Variants in CABIN1 observed in about 807,000 individuals in gnomAD.
CABIN1 encodes the protein calcineurin binding protein 1.
In CABIN1, 133 loss-of-function variants were observed where a neutral mutation model predicts 227.7. That is an observed-to-expected ratio of 0.58 (90% CI 0.51 to 0.67). CABIN1 has a LOEUF of 0.67. Among genes scored for constraint, CABIN1 ranks in the 30% least tolerant of loss-of-function variants. The pLI is 0.00. For synonymous variants in CABIN1, 1,086 were observed against 1,155.1 expected (o/e 0.94, Z 1.21); for missense variants, 2,408 against 2,852.5 (o/e 0.84, Z 3.55).
intron 1 of CABIN1, among the ~76,000 whole-genome samples, chr22:24,012,150 A>C (rs1238888948): frequency 6.6e-6 from 1 of 152,220 alleles, no homozygotes; most frequent in African/African-American, 2.4e-5. Context: ...AGTATTCATA[A>C]TAGTAGTTTA....
rs184753963 is a variant in CABIN1, at chr22:24,175,682, G to A, written c.6041-429G>A. ...GCTGGGCAGGAGCCATAGTGCCAGC[G>A]TCTACTTTGGTCTTAGTTGGGTTGT... On this transcript the variant is annotated intron_variant, in intron 34 of 36. Coordinates refer to ENST00000263119, the MANE Select transcript of CABIN1 (RefSeq NM_012295.4). 2.0e-3 allele frequency: 563 copies of A among 285,054 alleles called. 8 individuals are homozygous for A. Among genetic ancestry groups the A allele is most frequent in the South Asian group, 0.014 (412 of 28,852 alleles). 17.7% of individuals were successfully genotyped at this position (285,054 alleles called of 1,614,324 possible).
chr22:24,016,365 A>G (rs558176407), intron 1 of CABIN1, among the ~76,000 whole-genome samples: 13 of 152,118 alleles, frequency 8.5e-5, no homozygotes, highest in Admixed American at 1.3e-4. Flanking sequence ...TGGATATACC[A>G]CCTTTTGTTT....
At chr22:24,093,691 A>G (rs2041700699) in intron 24 of CABIN1, among the ~76,000 whole-genome samples, 1 of 152,038 alleles carries the variant, frequency 6.6e-6, no homozygotes, top group Admixed American at 6.6e-5. Context: ...CTAGCGGGCA[A>G]CATGATGAGA....
chr22:24,177,362 G>A lies in CABIN1; in HGVS notation c.6206-142G>A. 3 of 738,174 alleles carry A rather than the reference G, an allele frequency of 4.1e-6. No individual in the cohort carries two copies. The highest frequency in any genetic ancestry group is 4.3e-6 in the Non-Finnish European group (2 of 461,334). The allele number at this position is 738,174 out of a possible 1,614,324, so 45.7% of individuals were successfully genotyped here. A position where few individuals can be genotyped will look rare whatever the true frequency, so the allele number is the denominator to read the frequency against. The stretch of plus-strand genomic sequence containing the variant: ...GGCCTGAGCCAAGTATTTGCCCAGG[G>A]TAGAAGCCTTGGAGCCTGCCAGCCA... On this transcript the variant is annotated intron_variant, in intron 35 of 36. Coordinates refer to ENST00000263119, the MANE Select transcript of CABIN1 (RefSeq NM_012295.4). The surrounding 1 kb of genome is among the most constrained non-coding windows in gnomAD (Gnocchi z 4.4).
chr22:24,056,113 G>T, intron 9 of CABIN1, 79 bp from the exon 10 acceptor site: 2 of 1,191,506 alleles, frequency 1.7e-6, no homozygotes, highest in East Asian at 2.3e-5. Context: ...TTATAAAAGA[G>T]GGAGATTGAT....
intron 33 of CABIN1, chr22:24,170,190 G>A: frequency 8.8e-6 from 4 of 456,368 alleles, no homozygotes; most frequent in South Asian, 6.2e-5. Flanking sequence ...TCCTACCTAG[G>A]ATTCTTACCC....
intron 29 of CABIN1, among the ~76,000 whole-genome samples, chr22:24,154,573 C>T (rs2045672643): frequency 6.6e-6 from 1 of 152,212 alleles, no homozygotes; most frequent in Non-Finnish European, 1.5e-5. Context: ...AGCTTGTGCT[C>T]ATTGTGACTC....
In CABIN1 at chr22:24,178,303, C is replaced by G; in HGVS notation, c.*107C>G. 7.1e-7 allele frequency: 1 copy of G among 1,411,680 alleles called. No homozygotes were observed. The allele number at this position is 1,411,680 out of a possible 1,614,324, so 87.4% of individuals were successfully genotyped here. Reference sequence around the variant, plus strand: ...CAGAGGCCCACATGGATGCCACTCCCCACACAGCCCCCAGGCCTGCCCAGC... The same window carrying G: ...CAGAGGCCCACATGGATGCCACTCCGCACACAGCCCCCAGGCCTGCCCAGC... On this transcript the variant is annotated 3_prime_UTR_variant, in exon 37 of 37. Coordinates refer to ENST00000263119, the MANE Select transcript of CABIN1 (RefSeq NM_012295.4).
intron 26 of CABIN1, among the ~76,000 whole-genome samples, chr22:24,105,349 A>G (rs1370671261): frequency 1.3e-5 from 2 of 152,258 alleles, no homozygotes; most frequent in African/African-American, 4.8e-5. Context: ...CGTGGCCCAG[A>G]TGCATAGACA....
At chr22:24,103,525 C>T (rs1365665268) in intron 26 of CABIN1, among the ~76,000 whole-genome samples, 2 of 152,144 alleles carry the variant, frequency 1.3e-5, no homozygotes, top group African/African-American at 2.4e-5. Flanking sequence ...CCACCCTGGC[C>T]TCTGCTCAGT....
chr22:24,035,323 AGCTCTTCACTG>A (rs2036786529), intron 1 of CABIN1, 110 bp from the exon 2 acceptor site: 1 of 675,634 alleles, frequency 1.5e-6, no homozygotes, highest in East Asian at 2.7e-5. Flanking sequence ...GTCCCAAGGC[AGCTCTTCACTG>A]GCCTGTCTGC....
At chr22:24,052,782 C>G (rs922538220) in intron 8 of CABIN1, among the ~76,000 whole-genome samples, 3 of 149,812 alleles carry the variant, frequency 2.0e-5, no homozygotes, top group Non-Finnish European at 4.4e-5. Context: ...AGAGCAAGAC[C>G]CCCATCTCAA....
At chr22:24,164,644 T>C in intron 30 of CABIN1, 81 bp downstream of exon 30, 5 of 1,487,820 alleles carry the variant, frequency 3.4e-6, no homozygotes, top group Non-Finnish European at 4.6e-6. Flanking sequence ...TCTCCACTGC[T>C]CTGGCCCAGC....
At chr22:24,124,189 A>T (rs1400761567) in intron 28 of CABIN1, among the ~76,000 whole-genome samples, 2 of 152,218 alleles carry the variant, frequency 1.3e-5, no homozygotes, top group African/African-American at 4.8e-5. Context: ...AATGATAGTG[A>T]TATGAAAGCA....
intron 28 of CABIN1, among the ~76,000 whole-genome samples, chr22:24,128,386 A>T (rs933731268): frequency 6.6e-6 from 1 of 152,100 alleles, no homozygotes; most frequent in Non-Finnish European, 1.5e-5. Context: ...ATTTTTCATG[A>T]TTAGAAGTAT....
Position 24,178,258 on chromosome 22 carries a change from G to A in CABIN1, c.*62G>A. On this transcript the variant is annotated 3_prime_UTR_variant, in exon 37 of 37. Coordinates refer to ENST00000263119, the MANE Select transcript of CABIN1 (RefSeq NM_012295.4). The stretch of plus-strand genomic sequence containing the variant: ...CCAGCCAGGCCTGGAATGCCCCCTG[G>A]GCAGGACCCTGGGCAGGACCAGAGG... 6.2e-7 allele frequency: 1 copy of A among 1,600,956 alleles called. No homozygotes were observed. The highest frequency in any genetic ancestry group is 8.5e-7 in the Non-Finnish European group (1 of 1,173,668).
chr22:24,155,987 GCCGCGAGCGAGAGAGCGAACGAGC>G, intron 29 of CABIN1: 1 of 562,140 alleles, frequency 1.8e-6, no homozygotes, highest in Non-Finnish European at 3.1e-6. Context: ...GCCCCGGCCC[GCCGCGAGCGAGAGAGCGAACGAGC>G]CTCCGCGGCC....
chr22:24,094,846 G>C (rs1261113414), intron 24 of CABIN1, among the ~76,000 whole-genome samples: 1 of 133,882 alleles, frequency 7.5e-6, no homozygotes, highest in East Asian at 2.2e-4. Context: ...AAAAAAAAAA[G>C]AAACAAAAAT....
chr22:24,113,496 A>T, intron 26 of CABIN1, 70 bp from the exon 27 acceptor site: 1 of 1,417,290 alleles, frequency 7.1e-7, no homozygotes, highest in Non-Finnish European at 1.0e-6. Flanking sequence ...GACTCACCAT[A>T]GGAAGGCCCC....
Sources: allele counts gnomAD v4.1 joint callset (sites outside exome capture counted in the v4.1 genomes callset), GRCh38; gene constraint gnomAD v4.1.1; non-coding constraint Gnocchi (gnomAD v3.1); transcripts MANE v1.5; gene names NCBI Gene and HGNC (gene_info 2026-07-23, HGNC 2026-07-21).